Variants in PTK2 observed in about 807,000 individuals in gnomAD.
PTK2 encodes the protein protein tyrosine kinase 2.
A neutral mutation model predicts 150.1 loss-of-function variants in PTK2; 45 were observed. That is an observed-to-expected ratio of 0.30 (90% CI 0.24 to 0.38). The LOEUF (loss-of-function observed/expected upper bound fraction) is 0.38, where lower values mean the gene tolerates loss of function less well. Ranked by LOEUF, PTK2 falls within the 10% of genes least tolerant of loss-of-function variation. The probability of loss-of-function intolerance (pLI) is 1.00; values close to 1 mark genes in which losing one functional copy is unlikely to be tolerated. For missense variants in PTK2, 919 were observed against 1,307.3 expected (o/e 0.70, Z 4.58); for synonymous variants, 432 against 449.2 (o/e 0.96, Z 0.48).
Position 140,934,273 on chromosome 8 carries a change from T to C in PTK2, c.-121-8524A>G, listed in dbSNP as rs988687996. ...AATCAGTAAATAGCACTGGGGTCAGTGTCATGCGCCTGTAGTCCCAGCTAC... is the reference window on the plus strand; with the variant it reads ...AATCAGTAAATAGCACTGGGGTCAGCGTCATGCGCCTGTAGTCCCAGCTAC... On this transcript the variant is annotated intron_variant, in intron 1 of 31. Coordinates refer to ENST00000522684, the Ensembl canonical transcript of PTK2. Among the ~76,000 whole-genome samples the C allele has an allele frequency of 2.6e-5, 4 of 152,172 alleles. No individual in the cohort carries two copies. The East Asian group carries it at 7.7e-4, about 29-fold the overall frequency.
intron 16 of PTK2, 45 bp from the exon 20 acceptor site, chr8:140,752,361 T>C: frequency 1.3e-6 from 2 of 1,554,004 alleles, no homozygotes; most frequent in Non-Finnish European, 1.8e-6. Context: ...GCAAAAAGGT[T>C]TGCTATATTA....
intron 26 of PTK2, among the ~76,000 whole-genome samples, chr8:140,696,669 C>T (rs771780770): frequency 1.3e-5 from 2 of 152,016 alleles, no homozygotes; most frequent in African/African-American, 2.4e-5. Context: ...CCTGAGCATT[C>T]CAGGCAGACA....
chr8:140,717,835 T>A (rs1355470896), intron 22 of PTK2, 126 bp from the exon 26 acceptor site: 1 of 678,798 alleles, frequency 1.5e-6, no homozygotes, highest in African/African-American at 1.8e-5. Context: ...AAGGATCCTA[T>A]ACACAGGGGA....
At chr8:140,953,672 C>T (rs916462224) in intron 1 of PTK2, among the ~76,000 whole-genome samples, 4 of 152,226 alleles carry the variant, frequency 2.6e-5, no homozygotes, top group African/African-American at 7.2e-5. Flanking sequence ...CATTGGGTAA[C>T]TGAACCTACA....
intron 24 of PTK2, among the ~76,000 whole-genome samples, chr8:140,705,894 C>T (rs2100033446): frequency 6.6e-6 from 1 of 152,236 alleles, no homozygotes; most frequent in Non-Finnish European, 1.5e-5. Flanking sequence ...AGAATGGCAG[C>T]AGGCCCTGGT....
chr8:140,893,410 T>A (rs916920334), intron 2 of PTK2, among the ~76,000 whole-genome samples: 1 of 152,170 alleles, frequency 6.6e-6, no homozygotes, highest in Non-Finnish European at 1.5e-5. Flanking sequence ...CATCAATGGA[T>A]AAACAGATTA....
chr8:140,670,028 A>G (rs2094672571), intron 29 of PTK2: 2 of 389,032 alleles, frequency 5.1e-6, no homozygotes, highest in Non-Finnish European at 9.3e-6. Flanking sequence ...ACAATCCAGC[A>G]GCAGTGCAAG....
intron 1 of PTK2, among the ~76,000 whole-genome samples, chr8:140,979,201 G>A (rs2100190468): frequency 6.6e-6 from 1 of 150,808 alleles, no homozygotes; most frequent in East Asian, 2.0e-4. Flanking sequence ...CATGGCACAT[G>A]TATACATATG....
chr8:140,729,790 C>G (rs2100048122), intron 22 of PTK2, among the ~76,000 whole-genome samples: 1 of 152,212 alleles, frequency 6.6e-6, no homozygotes, highest in African/African-American at 2.4e-5. Flanking sequence ...TAGAGCATGA[C>G]AGCTTATAGC....
intron 15 of PTK2, 33 bp from the exon 18 acceptor site, chr8:140,762,421 G>A: frequency 9.0e-7 from 1 of 1,110,194 alleles, no homozygotes; most frequent in Non-Finnish European, 1.1e-6. Flanking sequence ...AAAAATTGAA[G>A]ACCTTGCTTA....
At chr8:140,707,851 G>A (rs1488157442) in intron 23 of PTK2, among the ~76,000 whole-genome samples, 1 of 152,240 alleles carries the variant, frequency 6.6e-6, no homozygotes, top group Non-Finnish European at 1.5e-5. Flanking sequence ...TCTGGGACCT[G>A]GAGAGAAGGC....
intron 1 of PTK2, chr8:141,000,776 T>C (rs1266724186): frequency 1.3e-4 from 5 of 37,480 alleles, no homozygotes; most frequent in Non-Finnish European, 2.0e-4. Flanking sequence ...ACCCCCGACC[T>C]CCTCGAGCTC....
chr8:140,727,685 A>G lies in PTK2; in HGVS notation c.2030+7566T>C, dbSNP rs148028421. 6.4e-3 allele frequency among the ~76,000 whole-genome samples: 972 copies of G among 152,304 alleles called. 15 individuals are homozygous for G. Among genetic ancestry groups the G allele is most frequent in the African/African-American group, 0.022 (895 of 41,564 alleles). On this transcript the variant is annotated intron_variant, in intron 22 of 31. Transcript: ENST00000522684. ...ATAAGGGAAGAATCCAAAACAGGTT[A>G]AACATGTTTAAGATGCTGTTCACAG...
chr8:140,957,472 T>C (rs553028311), intron 1 of PTK2, among the ~76,000 whole-genome samples: 1 of 152,290 alleles, frequency 6.6e-6, no homozygotes, highest in Non-Finnish European at 1.5e-5. Context: ...TAAGCTACGG[T>C]TATTACTGAA....
intron 1 of PTK2, among the ~76,000 whole-genome samples, chr8:140,985,937 T>A (rs2100193096): frequency 6.6e-6 from 1 of 152,240 alleles, no homozygotes; most frequent in Admixed American, 6.5e-5. Context: ...ACAGTAAGTC[T>A]ATTAAAGGAA....
chr8:140,836,494 T>C (rs2100118715), intron 7 of PTK2, among the ~76,000 whole-genome samples: 1 of 152,206 alleles, frequency 6.6e-6, no homozygotes, highest in African/African-American at 2.4e-5. Context: ...ACACTGATTG[T>C]CTATCACTTC....
chr8:141,001,759 C>A (rs1384092260), upstream of PTK2, among the ~76,000 whole-genome samples: 2 of 152,224 alleles, frequency 1.3e-5, no homozygotes, highest in South Asian at 2.1e-4. Flanking sequence ...CGCTGCGGGC[C>A]CCGGGCCTTG....
intron 11 of PTK2, among the ~76,000 whole-genome samples, chr8:140,803,249 T>C (rs934291296): frequency 6.6e-6 from 1 of 151,958 alleles, no homozygotes; most frequent in East Asian, 1.9e-4. Flanking sequence ...CCGCCTGCCT[T>C]GGCCTCCCAA....
At chr8:140,778,220 C>T (rs143495094) in intron 14 of PTK2, among the ~76,000 whole-genome samples, 1 of 152,336 alleles carries the variant, frequency 6.6e-6, no homozygotes, top group East Asian at 1.9e-4. Flanking sequence ...GTAATCCCAG[C>T]ACTTTGGGAG....
Sources: allele counts gnomAD v4.1 joint callset (sites outside exome capture counted in the v4.1 genomes callset), GRCh38; gene constraint gnomAD v4.1.1; transcripts MANE v1.5; gene names NCBI Gene and HGNC (gene_info 2026-07-23, HGNC 2026-07-21).